The following CNTNAP2 variants were observed in gnomAD, a reference collection of about 807,000 sequenced individuals.
The protein encoded by CNTNAP2 is contactin-associated protein-like 2.
Under a neutral mutation model 155.2 loss-of-function variants are expected in CNTNAP2, and 98 were observed. The observed-to-expected ratio is 0.63, with a 90% CI of 0.54 to 0.75. The LOEUF (loss-of-function observed/expected upper bound fraction) is 0.75. Among genes scored for constraint, CNTNAP2 ranks in the 30% least tolerant of loss-of-function variants. CNTNAP2 has a pLI of 0.00. For synonymous variants in CNTNAP2, 651 were observed against 631.2 expected, an observed-to-expected ratio of 1.03 and a Z score of -0.47; for missense variants, 1,727 against 1,688.1, an observed-to-expected ratio of 1.02 and a Z score of -0.40.
intron 12 of CNTNAP2, among the ~76,000 whole-genome samples, chr7:147,615,118 G>T (rs1584856317): frequency 7.1e-6 from 1 of 141,542 alleles, no homozygotes; most frequent in Non-Finnish European, 1.5e-5. Flanking sequence ...AAAGAAAAAA[G>T]CCTGATTTAG....
chr7:147,456,948 T>C (rs919910491), intron 10 of CNTNAP2, among the ~76,000 whole-genome samples: 2 of 152,182 alleles, frequency 1.3e-5, no homozygotes, highest in African/African-American at 4.8e-5. Context: ...AGGAGTGCTA[T>C]AGAAATTGTG....
chr7:146,849,576 A>G (rs1479487733), intron 3 of CNTNAP2, among the ~76,000 whole-genome samples: 1 of 152,190 alleles, frequency 6.6e-6, no homozygotes, highest in Non-Finnish European at 1.5e-5. Flanking sequence ...GTATTTAACT[A>G]TGTTAATCAA....
intron 12 of CNTNAP2, among the ~76,000 whole-genome samples, chr7:147,619,614 G>C (rs1162833873): frequency 6.6e-6 from 1 of 152,234 alleles, no homozygotes; most frequent in Non-Finnish European, 1.5e-5. Flanking sequence ...AGAGAGAAGA[G>C]TGGGAAGTGC....
intron 1 of CNTNAP2, among the ~76,000 whole-genome samples, chr7:146,435,416 G>A (rs1522225): frequency 2.0e-5 from 3 of 152,090 alleles, no homozygotes; most frequent in Admixed American, 6.5e-5. Context: ...TCAGTTCTGC[G>A]TCTTGTGACT....
chr7:147,151,303 A>T (rs1433938561), intron 8 of CNTNAP2, among the ~76,000 whole-genome samples: 1 of 152,164 alleles, frequency 6.6e-6, no homozygotes, highest in Non-Finnish European at 1.5e-5. Flanking sequence ...AGTAAACCCA[A>T]CGCTAAGAGG....
chr7:147,230,779 C>T (rs973391994), intron 8 of CNTNAP2, among the ~76,000 whole-genome samples: 1 of 152,122 alleles, frequency 6.6e-6, no homozygotes, highest in African/African-American at 2.4e-5. Flanking sequence ...CCACTATTCT[C>T]CTCTTTGTTT....
At chr7:146,739,654 T>C (rs1016221414) in intron 1 of CNTNAP2, among the ~76,000 whole-genome samples, 2 of 152,064 alleles carry the variant, frequency 1.3e-5, no homozygotes, top group Non-Finnish European at 2.9e-5. Flanking sequence ...TATATGTCTG[T>C]TACATACATT....
intron 13 of CNTNAP2, among the ~76,000 whole-genome samples, chr7:147,838,115 C>A (rs1267880453): frequency 6.6e-6 from 1 of 152,216 alleles, no homozygotes; most frequent in Non-Finnish European, 1.5e-5. Context: ...CTTGCACCCT[C>A]TGAAACCATT....
At chr7:147,549,601 T>C (rs537173428) in intron 11 of CNTNAP2, among the ~76,000 whole-genome samples, 1 of 152,272 alleles carries the variant, frequency 6.6e-6, no homozygotes, top group East Asian at 1.9e-4. Flanking sequence ...GTCACAGCCA[T>C]TCTTTGAAGT....
chr7:146,559,613 C>A (rs570218686), intron 1 of CNTNAP2, among the ~76,000 whole-genome samples: 6 of 151,742 alleles, frequency 4.0e-5, no homozygotes, highest in Non-Finnish European at 7.4e-5. Flanking sequence ...ACAGAAAAAT[C>A]GAATTATTTT....
intron 11 of CNTNAP2, among the ~76,000 whole-genome samples, chr7:147,499,174 G>A (rs753459411): frequency 3.9e-5 from 6 of 152,126 alleles, no homozygotes; most frequent in Non-Finnish European, 5.9e-5. Context: ...GTTATCCACA[G>A]ACTTAAAAAA....
At chr7:146,581,951 A>G (rs1798618564) in intron 1 of CNTNAP2, among the ~76,000 whole-genome samples, 1 of 152,168 alleles carries the variant, frequency 6.6e-6, no homozygotes, top group African/African-American at 2.4e-5. Context: ...TTTACAATCT[A>G]GAAATGTGGT....
intron 14 of CNTNAP2, among the ~76,000 whole-genome samples, chr7:147,904,407 G>T (rs1346776318): frequency 1.3e-5 from 2 of 152,136 alleles, no homozygotes; most frequent in African/African-American, 4.8e-5. Context: ...TGTGAAAAAG[G>T]CCCCAGAAGT....
rs186035804 is a variant in CNTNAP2 at position 146,341,129 on chromosome 7, G to T, written c.97+224156G>T. ...CTTTTGTTTAAACATTTTGATACATGTCCGCATTTTATTTTCATTTTAACT... is the reference window on the plus strand; with the variant it reads ...CTTTTGTTTAAACATTTTGATACATTTCCGCATTTTATTTTCATTTTAACT... On this transcript the variant is annotated intron_variant, in intron 1 of 23. Coordinates refer to ENST00000361727, the MANE Select transcript of CNTNAP2 (RefSeq NM_014141.6). Among the ~76,000 whole-genome samples, 195 of 152,152 alleles carry T rather than the reference G, an allele frequency of 1.3e-3. 1 individual carries two copies. The highest frequency in any genetic ancestry group is 1.4e-3 in the Non-Finnish European group (92 of 67,962).
intron 20 of CNTNAP2, among the ~76,000 whole-genome samples, chr7:148,258,718 T>G (rs1796501087): frequency 6.6e-6 from 1 of 152,128 alleles, no homozygotes; most frequent in Non-Finnish European, 1.5e-5. Flanking sequence ...GGCTTCAACT[T>G]GGAGTAAATA....
rs149596246 is a variant in CNTNAP2 at position 146,209,884 on chromosome 7, G to A, written c.97+92911G>A. Among the ~76,000 whole-genome samples the A allele has an allele frequency of 2.2e-3, 328 of 152,176 alleles. 2 individuals carry two copies. Among genetic ancestry groups the A allele is most frequent in the Non-Finnish European group, 3.6e-3 (242 of 68,008 alleles). On this transcript the variant is annotated intron_variant, in intron 1 of 23. Transcript: ENST00000361727. The stretch of plus-strand genomic sequence containing the variant: ...TCCAGAAAATACAGAATTTGGATGC[G>A]TTGCGTGAGTTGTCGAGGTGAAGAA...
At chr7:146,872,190 AAATTG>A (rs1795324424) in intron 3 of CNTNAP2, among the ~76,000 whole-genome samples, 1 of 132,440 alleles carries the variant, frequency 7.6e-6, no homozygotes, top group Non-Finnish European at 1.6e-5. Context: ...TTTTTTTGGT[AAATTG>A]AATTCTTCAT....
At chr7:146,620,046 T>A (rs1799292154) in intron 1 of CNTNAP2, among the ~76,000 whole-genome samples, 1 of 152,064 alleles carries the variant, frequency 6.6e-6, no homozygotes, top group Non-Finnish European at 1.5e-5. Flanking sequence ...TAGTTGAAAA[T>A]ATATATTTAG....
chr7:146,129,055 A>G (rs1255320907), intron 1 of CNTNAP2, among the ~76,000 whole-genome samples: 1 of 152,096 alleles, frequency 6.6e-6, no homozygotes, highest in East Asian at 1.9e-4. Context: ...TTTATTATCT[A>G]CTCTTTGCCC....
Sources: allele counts gnomAD v4.1 joint callset (sites outside exome capture counted in the v4.1 genomes callset), GRCh38; gene constraint gnomAD v4.1.1; transcripts MANE v1.5; gene names NCBI Gene and HGNC (gene_info 2026-07-23, HGNC 2026-07-21).